The following MANBA variants were observed in gnomAD, a reference collection of about 807,000 sequenced individuals.
The protein encoded by MANBA is beta-mannosidase.
MANBA carries 83 observed loss-of-function variants against 111.1 expected under a neutral mutation model. The ratio of observed to expected loss-of-function variants is 0.75; its 90% CI spans 0.63 to 0.90. The LOEUF (loss-of-function observed/expected upper bound fraction) is 0.90. Among genes scored for constraint, MANBA ranks in the 40% least tolerant of loss-of-function variants. The pLI is 0.00. For synonymous variants in MANBA, 370 were observed against 378.7 expected, an observed-to-expected ratio of 0.98 and a Z score of 0.27; for missense variants, 1,036 against 1,069.0, an observed-to-expected ratio of 0.97 and a Z score of 0.43.
intron 1 of MANBA, among the ~76,000 whole-genome samples, chr4:102,737,482 G>T (rs923573649): frequency 2.2e-4 from 34 of 151,706 alleles, no homozygotes; most frequent in East Asian, 5.9e-4. Context: ...TGTTTTTTTT[G>T]TTTGTTTGTT....
chr4:102,753,550 T>G (rs1258436969), intron 1 of MANBA: 1 of 152,302 alleles, frequency 6.6e-6, no homozygotes. Context: ...ATTAACTATT[T>G]GGAAGAAACC....
intron 1 of MANBA, among the ~76,000 whole-genome samples, chr4:102,746,971 C>CAAA (rs575851183): frequency 1.1e-5 from 1 of 91,892 alleles, no homozygotes; most frequent in African/African-American, 4.0e-5. Flanking sequence ...GACTCCATCT[C>CAAA]AAAAAAAAAA....
intron 2 of MANBA, among the ~76,000 whole-genome samples, chr4:102,725,960 T>G (rs915017202): frequency 1.3e-5 from 2 of 152,166 alleles, no homozygotes; most frequent in Non-Finnish European, 2.9e-5. Context: ...ATATGTTGAG[T>G]TCAAGGTGAA....
At chr4:102,719,421 AAC>A (rs1445247980) in intron 4 of MANBA, among the ~76,000 whole-genome samples, 4 of 152,188 alleles carry the variant, frequency 2.6e-5, no homozygotes, top group African/African-American at 7.2e-5. Context: ...ATATTGTTCA[AAC>A]ACACATTTTA....
intron 7 of MANBA, among the ~76,000 whole-genome samples, chr4:102,675,055 G>A (rs1202765600): frequency 6.6e-6 from 1 of 152,156 alleles, no homozygotes; most frequent in Non-Finnish European, 1.5e-5. Context: ...CTTGACACGC[G>A]ATGATCACTC....
chr4:102,704,024 G>A (rs1443424151), intron 5 of MANBA, among the ~76,000 whole-genome samples: 2 of 152,114 alleles, frequency 1.3e-5, no homozygotes, highest in African/African-American at 4.8e-5. Context: ...GAACCTGGGA[G>A]GTGGAGGTTG....
chr4:102,726,784 C>A lies in MANBA; in HGVS notation c.178-101G>T, dbSNP rs1029540232. On this transcript the variant is annotated intron_variant, in intron 1 of 16. Coordinates refer to ENST00000647097, the MANE Select transcript of MANBA (RefSeq NM_005908.4). ...ATTATTAACAACAGCTATTTATCAC[C>A]TAAAAATTAACGAACTTTTAGCCTA... The A allele has an allele frequency of 5.6e-6, 4 of 715,024 alleles. No homozygotes were observed. In the African/African-American group the frequency reaches 7.2e-5, roughly 13 times the overall value. The allele number at this position is 715,024 out of a possible 1,614,324, so 44.3% of individuals were successfully genotyped here.
chr4:102,685,533 T>C (rs969920759), intron 7 of MANBA, among the ~76,000 whole-genome samples: 11 of 150,998 alleles, frequency 7.3e-5, no homozygotes, highest in Admixed American at 6.6e-4. Context: ...GAGCCCCCCA[T>C]CCCAAAGTGA....
chr4:102,672,729 A>G (rs1731547732), intron 8 of MANBA, among the ~76,000 whole-genome samples: 2 of 152,204 alleles, frequency 1.3e-5, no homozygotes, highest in Non-Finnish European at 2.9e-5. Flanking sequence ...AGATTCTCAT[A>G]GGAGCAGGAA....
intron 7 of MANBA, among the ~76,000 whole-genome samples, chr4:102,676,923 G>GA (rs34768739): frequency 6.6e-4 from 99 of 150,434 alleles, no homozygotes; most frequent in East Asian, 5.5e-3. Flanking sequence ...GCAGGAAAAT[G>GA]AAAAAAAAAC....
rs368498546 is a variant in MANBA at position 102,726,613 on chromosome 4, T to G, written c.248A>C (p.Glu83Ala). ...VSLDNWTYSKEFKIPFEISKW... is the reference protein window; with the variant it reads ...VSLDNWTYSKAFKIPFEISKW... ...CCTAATTTCAAAGGGGATTTTAAAT[T>G]CTTTGCTATAGGTCCAGTTATCCAA... is the stretch of plus-strand genomic sequence containing the variant. Residue 83 changes from glutamate (E) to alanine (A), a missense_variant, in exon 2 of 17, where the codon GAA (glutamate) becomes GCA (alanine). Physicochemically the swap from Glu to Ala is moderately radical, Grantham distance 107. Transcript: ENST00000647097. 3 of 1,546,454 alleles carry G rather than the reference T, an allele frequency of 1.9e-6. No individual in the cohort carries two copies. The African/African-American group carries it at 4.1e-5, about 21-fold the overall frequency.
At chr4:102,758,208 A>C (rs1463950863) in intron 1 of MANBA, among the ~76,000 whole-genome samples, 1 of 152,188 alleles carries the variant, frequency 6.6e-6, no homozygotes, top group African/African-American at 2.4e-5. Flanking sequence ...AATTTGGTAT[A>C]TATGTCTATC....
At chr4:102,717,684 G>C (rs1171301238) in intron 4 of MANBA, among the ~76,000 whole-genome samples, 1 of 152,162 alleles carries the variant, frequency 6.6e-6, no homozygotes, top group Non-Finnish European at 1.5e-5. Context: ...ATGAGTCACT[G>C]TGCCGGCCCA....
At chr4:102,661,322 CT>C (rs1160053731) in intron 11 of MANBA, among the ~76,000 whole-genome samples, 1 of 152,120 alleles carries the variant, frequency 6.6e-6, no homozygotes, top group Non-Finnish European at 1.5e-5. Flanking sequence ...TTTTATAGCA[CT>C]TTTTTTAACT....
At chr4:102,707,911 C>CA (rs1284734313) in intron 5 of MANBA, among the ~76,000 whole-genome samples, 3 of 151,822 alleles carry the variant, frequency 2.0e-5, no homozygotes, top group Admixed American at 1.3e-4. Flanking sequence ...TAAAAACAGA[C>CA]AAAAAAGGTC....
intron 3 of MANBA, among the ~76,000 whole-genome samples, chr4:102,723,425 T>C (rs1722665043): frequency 6.6e-6 from 1 of 152,220 alleles, no homozygotes; most frequent in South Asian, 2.1e-4. Context: ...CTCTCCGGTA[T>C]GAACAGCATG....
In MANBA at chr4:102,760,794, C is replaced by T; in HGVS notation, c.101G>A (p.Gly34Glu). Residue 34 changes from glycine to glutamate, a missense_variant, in exon 1 of 17, where the codon GGG becomes GAG. By Grantham distance (98) the Gly-to-Glu change is moderately conservative (BLOSUM62 -2). Transcript: ENST00000647097. ...CCCGGGCAGCTCCAGCGAGCCGTTCCCATTGCAGATGCTCCAGTTGCCACG... is the reference window on the plus strand; with the variant it reads ...CCCGGGCAGCTCCAGCGAGCCGTTCTCATTGCAGATGCTCCAGTTGCCACG... Reference protein sequence around the residue: ...SLRGNWSICNGNGSLELPGAV... With the variant: ...SLRGNWSICNENGSLELPGAV... 1 of 1,556,798 alleles carries T rather than the reference C, an allele frequency of 6.4e-7. No homozygotes were observed. Among genetic ancestry groups the T allele is most frequent in the Non-Finnish European group, 8.7e-7 (1 of 1,150,188 alleles).
chr4:102,718,893 G>A (rs547863807), intron 4 of MANBA, among the ~76,000 whole-genome samples: 7 of 152,162 alleles, frequency 4.6e-5, no homozygotes, highest in South Asian at 2.1e-4. Flanking sequence ...AACAGGGGAG[G>A]GGGTGTACAA....
chr4:102,687,898 T>C (rs1484689332), intron 7 of MANBA, among the ~76,000 whole-genome samples: 2 of 152,148 alleles, frequency 1.3e-5, no homozygotes, highest in Non-Finnish European at 2.9e-5. Flanking sequence ...ATAGCAACTC[T>C]ACGGCAGCCA....
Sources: allele counts gnomAD v4.1 joint callset (sites outside exome capture counted in the v4.1 genomes callset), GRCh38; gene constraint gnomAD v4.1.1; transcripts MANE v1.5; gene names NCBI Gene and HGNC (gene_info 2026-07-23, HGNC 2026-07-21).